Variants in ANTXR1 observed in about 807,000 individuals in gnomAD.
ANTXR1 encodes anthrax toxin receptor 1.
In ANTXR1, 19 loss-of-function variants were observed where a neutral mutation model predicts 78.1. The observed-to-expected ratio is 0.24, with a 90% confidence interval of 0.17 to 0.36. The LOEUF (loss-of-function observed/expected upper bound fraction) is 0.36, where lower values mean the gene tolerates loss of function less well. Among genes scored for constraint, ANTXR1 ranks in the 10% least tolerant of loss-of-function variants. The pLI is 1.00. For missense variants in ANTXR1, 518 were observed against 718.6 expected, an observed-to-expected ratio of 0.72 and a Z score of 3.19; for synonymous variants, 273 against 260.5, an observed-to-expected ratio of 1.05 and a Z score of -0.46.
chr2:69,172,554 TCAAA>T (rs1464453251), intron 14 of ANTXR1: 1 of 1,384,788 alleles, frequency 7.2e-7, no homozygotes, highest in African/African-American at 1.5e-5. Flanking sequence ...CTATATGAAA[TCAAA>T]CACTCTCTGC....
intron 3 of ANTXR1, among the ~76,000 whole-genome samples, chr2:69,060,964 C>T (rs1670218079): frequency 1.3e-5 from 2 of 151,998 alleles, no homozygotes; most frequent in Admixed American, 1.3e-4. Flanking sequence ...AATATTTAAA[C>T]CATAAAAACA....
intron 17 of ANTXR1, among the ~76,000 whole-genome samples, chr2:69,210,935 C>CA (rs1159790329): frequency 0.1 from 4,374 of 43,452 alleles, 311 homozygotes; most frequent in African/African-American, 0.24. Context: ...GACTCCATCA[C>CA]AAAAAAAAAA....
chr2:69,108,300 G>A (rs1671874473), intron 10 of ANTXR1, among the ~76,000 whole-genome samples: 1 of 152,106 alleles, frequency 6.6e-6, no homozygotes, highest in African/African-American at 2.4e-5. Context: ...GTGTCTTCCT[G>A]GAAAACTAGA....
chr2:69,079,782 A>G (rs1201280245), intron 8 of ANTXR1, among the ~76,000 whole-genome samples: 1 of 152,242 alleles, frequency 6.6e-6, no homozygotes, highest in African/African-American at 2.4e-5. Flanking sequence ...TAAGATGGCT[A>G]GATTCTGAAA....
intron 16 of ANTXR1, among the ~76,000 whole-genome samples, chr2:69,186,418 C>T (rs1674417216): frequency 6.6e-6 from 1 of 152,226 alleles, no homozygotes; most frequent in Non-Finnish European, 1.5e-5. Context: ...TTTGCTCAGC[C>T]TTGGACAAAA....
At chr2:69,182,404 C>T in intron 15 of ANTXR1, 89 bp from the exon 16 acceptor site, 2 of 1,479,890 alleles carry the variant, frequency 1.4e-6, no homozygotes, top group Non-Finnish European at 1.9e-6. Flanking sequence ...GTAGCATTCA[C>T]ATTGCAACTC....
chr2:69,057,746 T>C (rs1460899611), intron 3 of ANTXR1, among the ~76,000 whole-genome samples: 1 of 152,168 alleles, frequency 6.6e-6, no homozygotes, highest in Admixed American at 6.5e-5. Flanking sequence ...TTCCTCACTT[T>C]AAATTCAAAG....
intron 1 of ANTXR1, among the ~76,000 whole-genome samples, chr2:69,015,801 TACAATA>T (rs1266836229): frequency 5.9e-5 from 9 of 152,244 alleles, no homozygotes; most frequent in African/African-American, 2.2e-4. Flanking sequence ...CATAAGAAGT[TACAATA>T]ACTATTGCCA....
chr2:69,015,152 T>C (rs1471394497), intron 1 of ANTXR1, among the ~76,000 whole-genome samples: 1 of 151,346 alleles, frequency 6.6e-6, no homozygotes, highest in Non-Finnish European at 1.5e-5. Flanking sequence ...ATGGATACTG[T>C]AGAGATAACC....
chr2:69,193,448 C>CTA, intron 17 of ANTXR1, 33 bp downstream of exon 17: 1 of 1,333,888 alleles, frequency 7.5e-7, no homozygotes, highest in Non-Finnish European at 1.1e-6. Flanking sequence ...TGGTGTCTCT[C>CTA]TCTCTCTCTC....
At chr2:69,107,627 T>C (rs1236126288) in intron 10 of ANTXR1, among the ~76,000 whole-genome samples, 2 of 151,678 alleles carry the variant, frequency 1.3e-5, no homozygotes, top group Admixed American at 1.3e-4. Context: ...AAGTAGACAA[T>C]ATTTGAGATC....
chr2:69,100,921 G>A (rs544039352), intron 9 of ANTXR1, among the ~76,000 whole-genome samples: 8 of 152,268 alleles, frequency 5.3e-5, no homozygotes, highest in East Asian at 1.9e-4. Context: ...TTGCATCAAC[G>A]TGTATGTATA....
intron 12 of ANTXR1, among the ~76,000 whole-genome samples, chr2:69,135,937 C>A (rs1210959445): frequency 6.6e-6 from 1 of 152,008 alleles, no homozygotes; most frequent in Admixed American, 6.5e-5. Context: ...TTTTTGGTTG[C>A]GTACAATGAA....
chr2:69,019,447 A>G (rs900880997), intron 1 of ANTXR1, among the ~76,000 whole-genome samples: 4 of 152,000 alleles, frequency 2.6e-5, no homozygotes, highest in African/African-American at 9.7e-5. Context: ...TTCCTAGTTG[A>G]TTCTCTTGGG....
intron 17 of ANTXR1, among the ~76,000 whole-genome samples, chr2:69,220,621 ATTG>A (rs1304374829): frequency 3.3e-5 from 5 of 152,206 alleles, no homozygotes; most frequent in African/African-American, 9.7e-5. Flanking sequence ...GTATGTATAT[ATTG>A]TTATTTATTC....
chr2:69,069,751 A>G (rs182141935), intron 3 of ANTXR1, among the ~76,000 whole-genome samples: 2 of 152,228 alleles, frequency 1.3e-5, no homozygotes, highest in Non-Finnish European at 2.9e-5. Flanking sequence ...TATATAGCGG[A>G]TGCTCAATAA....
At chr2:69,212,372 G>T (rs183075516) in intron 17 of ANTXR1, among the ~76,000 whole-genome samples, 2 of 152,236 alleles carry the variant, frequency 1.3e-5, no homozygotes, top group Admixed American at 1.3e-4. Flanking sequence ...TAGTGGAAAA[G>T]AAGATCCATG....
chr2:69,222,106 A>G (rs1436569931), intron 17 of ANTXR1, among the ~76,000 whole-genome samples: 1 of 152,160 alleles, frequency 6.6e-6, no homozygotes, highest in Non-Finnish European at 1.5e-5. Flanking sequence ...CAACACCACC[A>G]TCACTTCTGT....
At position 69,202,043 on chromosome 2, in the gene ANTXR1, G is replaced by C. The variant is rs184041557; in HGVS notation, c.1434+8628G>C. Among the ~76,000 whole-genome samples the C allele has an allele frequency of 4.6e-5, 7 of 152,296 alleles. No individual in the cohort carries two copies. In the East Asian group the frequency reaches 1.4e-3, roughly 29 times the overall value. ...TCAGGGGGCAGTTTTGCTCCAGTGA[G>C]AGTTTTGGGCTGCAGGCAAAGATCT... is the stretch of plus-strand genomic sequence containing the variant. On this transcript the variant is annotated intron_variant, in intron 17 of 17. Transcript: ENST00000303714.
Sources: gnomAD v4.1 joint callset for allele counts (sites outside exome capture counted in the v4.1 genomes callset) on GRCh38, gnomAD v4.1.1 for gene constraint, MANE v1.5 for transcripts, NCBI Gene and HGNC (gene_info 2026-07-23, HGNC 2026-07-21) for gene names.